Variants in RAB3IL1 observed in about 807,000 individuals in gnomAD.
RAB3IL1 encodes RAB3A interacting protein like 1, also known as guanine nucleotide exchange factor for Rab-3A.
RAB3IL1 carries 37 observed loss-of-function variants against 49.2 expected under a neutral mutation model. The observed-to-expected ratio is 0.75, with a 90% CI of 0.58 to 0.99. The LOEUF is 0.99. RAB3IL1 is among the 50% of genes least tolerant of loss of function. The pLI, the probability that RAB3IL1 is intolerant of heterozygous loss-of-function variation, is 0.00. For synonymous variants in RAB3IL1, 193 were observed against 213.9 expected, an observed-to-expected ratio of 0.90 and a Z score of 0.85; for missense variants, 484 against 513.0, an observed-to-expected ratio of 0.94 and a Z score of 0.55.
At chr11:61,934,446 G>GTGTGTATGTGTATGTATGTA in the RAB3IL1 span, among the ~76,000 whole-genome samples, 5 of 24,404 alleles carry the variant, frequency 2.0e-4, no homozygotes, top group African/African-American at 4.0e-4. Flanking sequence ...GTGTGTGTGT[G>GTGTGTATGTGTATGTATGTA]TATGTATATA....
At chr11:61,918,651 C>T (rs1001242265), upstream of RAB3IL1, among the ~76,000 whole-genome samples, 1 of 152,206 alleles carries the variant, frequency 6.6e-6, no homozygotes, top group Non-Finnish European at 1.5e-5. Flanking sequence ...GGATGGGGGA[C>T]GTATTCTCTA....
the RAB3IL1 span, chr11:61,945,768 C>T: frequency 1.5e-4 from 146 of 985,340 alleles, 2 homozygotes; most frequent in African/African-American, 2.0e-3. Context: ...TGGTCAGTGC[C>T]TCACCTGGCC....
Position 61,917,557 on chromosome 11 carries a change from G to A in RAB3IL1, c.-190C>T. On this transcript the variant is annotated 5_prime_UTR_variant, in exon 1 of 10. Coordinates refer to ENST00000394836, the MANE Select transcript of RAB3IL1 (RefSeq NM_013401.4). ...CCAGCCCAGCCCCGACCCTGCCCTG[G>A]GCGGGTCACGTGGCGGAGGGGGGAG... The A allele has an allele frequency of 9.1e-7, 1 of 1,096,490 alleles. No individual in the cohort carries two copies. The highest frequency in any genetic ancestry group is 1.1e-6 in the Non-Finnish European group (1 of 903,416). 67.9% of individuals were successfully genotyped at this position (1,096,490 alleles called of 1,614,324 possible).
the RAB3IL1 span, among the ~76,000 whole-genome samples, chr11:61,944,319 A>C: frequency 6.9e-6 from 1 of 145,644 alleles, no homozygotes; most frequent in Non-Finnish European, 1.5e-5. Flanking sequence ...TCTGGACTGC[A>C]GTTCTGAGCT....
At chr11:61,930,201 T>C in the RAB3IL1 span, among the ~76,000 whole-genome samples, 3 of 152,056 alleles carry the variant, frequency 2.0e-5, no homozygotes, top group African/African-American at 7.2e-5. Context: ...CAGCCAAGCA[T>C]AGACTTATAA....
chr11:61,921,158 T>C (rs1188793168), upstream of RAB3IL1, among the ~76,000 whole-genome samples: 2 of 152,050 alleles, frequency 1.3e-5, no homozygotes, highest in African/African-American at 4.8e-5. Flanking sequence ...GTCACCATGC[T>C]TGGCTAATTT....
intron 2 of RAB3IL1, 106 bp from the exon 3 acceptor site, chr11:61,907,766 G>C (rs1008436701): frequency 3.7e-6 from 4 of 1,073,510 alleles, no homozygotes; most frequent in Non-Finnish European, 5.5e-6. Flanking sequence ...ATTTTATGTG[G>C]GGCTCAGAGT....
chr11:61,914,833 A>G (rs1234071056), intron 1 of RAB3IL1, among the ~76,000 whole-genome samples: 1 of 152,090 alleles, frequency 6.6e-6, no homozygotes, highest in African/African-American at 2.4e-5. Flanking sequence ...TGGGGTCACC[A>G]ACTCCTAATC....
intron 1 of RAB3IL1, 76 bp downstream of exon 1, chr11:61,917,281 C>G (rs1939737747): frequency 2.2e-6 from 3 of 1,346,560 alleles, no homozygotes; most frequent in Non-Finnish European, 2.9e-6. Flanking sequence ...CCGGCGGGGA[C>G]CCCCGAAATC....
the RAB3IL1 span, among the ~76,000 whole-genome samples, chr11:61,945,442 A>G: frequency 6.6e-6 from 1 of 152,112 alleles, no homozygotes; most frequent in Admixed American, 6.6e-5. Context: ...GGCAGCGGGG[A>G]GTTGCTGCAC....
chr11:61,917,393 T>C lies in RAB3IL1; in HGVS notation c.-26A>G. On this transcript the variant is annotated 5_prime_UTR_variant, in exon 1 of 10. Coordinates refer to ENST00000394836, the MANE Select transcript of RAB3IL1 (RefSeq NM_013401.4). ...CCCGGCGCCTCGGGGCGCCCAGGCGTCCGTTCCCAGCGCCGCCGCGTCCTC... is the reference window on the plus strand; with the variant it reads ...CCCGGCGCCTCGGGGCGCCCAGGCGCCCGTTCCCAGCGCCGCCGCGTCCTC... 8.1e-7 allele frequency: 1 copy of C among 1,234,248 alleles called. No individual in the cohort carries two copies. Among genetic ancestry groups the C allele is most frequent in the South Asian group, 3.5e-5 (1 of 28,380 alleles). The allele number at this position is 1,234,248 out of a possible 1,614,324, so 76.5% of individuals were successfully genotyped here. A position where few individuals can be genotyped will look rare whatever the true frequency, so the allele number is the denominator to read the frequency against.
rs1938691709 is a variant in RAB3IL1, at chr11:61,897,768, T to C, written c.*510A>G. 1 of 155,800 alleles carries C rather than the reference T, an allele frequency of 6.4e-6. No homozygotes were observed. The highest frequency in any genetic ancestry group is 1.9e-4 in the South Asian group (1 of 5,304). The allele number at this position is 155,800 out of a possible 1,614,324, so 9.7% of individuals were successfully genotyped here. Reference sequence around the variant, plus strand: ...TGGAGGCCCTGCCAGCCCCTCCTAGTAGTCCAATAGGGAGGCCACCGGGAA... The same window carrying C: ...TGGAGGCCCTGCCAGCCCCTCCTAGCAGTCCAATAGGGAGGCCACCGGGAA... On this transcript the variant is annotated 3_prime_UTR_variant, in exon 10 of 10. Coordinates refer to ENST00000394836, the MANE Select transcript of RAB3IL1 (RefSeq NM_013401.4).
chr11:61,943,821 A>G, the RAB3IL1 span, among the ~76,000 whole-genome samples: 1 of 152,230 alleles, frequency 6.6e-6, no homozygotes, highest in East Asian at 1.9e-4. Flanking sequence ...TAAACACTAC[A>G]TACATAAGTG....
intron 1 of RAB3IL1, among the ~76,000 whole-genome samples, chr11:61,908,667 C>T (rs544592261): frequency 6.6e-6 from 1 of 152,318 alleles, no homozygotes; most frequent in African/African-American, 2.4e-5. Context: ...AAGCCTATTC[C>T]AATGGCCCTA....
the RAB3IL1 span, among the ~76,000 whole-genome samples, chr11:61,944,218 C>CCTTT: frequency 2.0e-5 from 3 of 150,016 alleles, no homozygotes; most frequent in African/African-American, 7.4e-5. Context: ...TCCCTTCCTT[C>CCTTT]CCTCCTTCCT....
intron 9 of RAB3IL1, 108 bp downstream of exon 9, chr11:61,899,206 C>G (rs1346488534): frequency 1.6e-6 from 2 of 1,267,844 alleles, no homozygotes; most frequent in Non-Finnish European, 2.2e-6. Context: ...TCCCCAGCCT[C>G]CTAGCTGAGT....
At chr11:61,937,290 T>C in the RAB3IL1 span, among the ~76,000 whole-genome samples, 1 of 152,250 alleles carries the variant, frequency 6.6e-6, no homozygotes, top group Admixed American at 6.5e-5. Flanking sequence ...TGTTAAATAT[T>C]ATTATTTAAA....
At chr11:61,924,405 C>A (rs759293396), upstream of RAB3IL1, among the ~76,000 whole-genome samples, 1 of 152,176 alleles carries the variant, frequency 6.6e-6, no homozygotes, top group Non-Finnish European at 1.5e-5. Flanking sequence ...AAGCTCCAGG[C>A]CAGCCTCTGA....
chr11:61,922,580 C>A (rs1939932288), upstream of RAB3IL1, among the ~76,000 whole-genome samples: 1 of 147,120 alleles, frequency 6.8e-6, no homozygotes, highest in Admixed American at 6.9e-5. Context: ...ACAGTGTAGA[C>A]TGAAAGAAGT....
Sources: gnomAD v4.1 joint callset for allele counts (sites outside exome capture counted in the v4.1 genomes callset) on GRCh38, gnomAD v4.1.1 for gene constraint, MANE v1.5 for transcripts, NCBI Gene and HGNC (gene_info 2026-07-23, HGNC 2026-07-21) for gene names.